Variants in SCG3 observed in about 807,000 individuals in gnomAD.
SCG3 encodes secretogranin-3.
SCG3 carries 38 observed loss-of-function variants against 56.2 expected under a neutral mutation model. That is an observed-to-expected ratio of 0.68 (90% CI 0.52 to 0.89). The LOEUF (loss-of-function observed/expected upper bound fraction) is 0.89. Among genes scored for constraint, SCG3 ranks in the 40% least tolerant of loss-of-function variants. The probability of loss-of-function intolerance (pLI) is 0.00; values close to 1 mark genes in which losing one functional copy is unlikely to be tolerated. For synonymous variants in SCG3, 176 were observed against 184.2 expected, an observed-to-expected ratio of 0.96 and a Z score of 0.36; for missense variants, 524 against 540.7, an observed-to-expected ratio of 0.97 and a Z score of 0.31.
chr15:51,718,928 A>T (rs1251115346), intron 11 of SCG3, among the ~76,000 whole-genome samples: 2 of 152,200 alleles, frequency 1.3e-5, no homozygotes, highest in Non-Finnish European at 2.9e-5. Flanking sequence ...CCCGGTTCTG[A>T]TCATAACTTT....
rs781513017 is a variant in SCG3, at chr15:51,692,250, G to C, written c.782G>C (p.Arg261Thr). The change falls in exon 7 of 12, where the codon AGG becomes ACG. Residue 261 changes from arginine (R) to threonine (T), a missense_variant. Physicochemically the swap from Arg to Thr is moderately conservative, Grantham distance 71. Transcript: ENST00000220478. ...TTAACCTTGACAAATGGCTTGGAAA[G>C]GAGAACTAAAACCTACAGTGAAGAC... is the stretch of plus-strand genomic sequence containing the variant. The part of the protein sequence containing the change: ...NTLTLTNGLE[R>T]RTKTYSEDNF... 5.0e-6 allele frequency: 8 copies of C among 1,614,042 alleles called. No individual in the cohort carries two copies. The South Asian group carries it at 7.7e-5, about 16-fold the overall frequency.
intron 10 of SCG3, among the ~76,000 whole-genome samples, chr15:51,709,887 A>ATT (rs67775073): frequency 0.016 from 1,346 of 84,806 alleles, 29 homozygotes; most frequent in East Asian, 0.053. Context: ...CGCCCGGCTA[A>ATT]TTTTTTTTTT....
At chr15:51,707,226 A>T (rs2055381936) in intron 10 of SCG3, among the ~76,000 whole-genome samples, 1 of 152,214 alleles carries the variant, frequency 6.6e-6, no homozygotes, top group East Asian at 1.9e-4. Context: ...AGGCTGGAAA[A>T]GGTGATCTCT....
chr15:51,701,789 T>A (rs1379026421), intron 10 of SCG3, among the ~76,000 whole-genome samples: 2 of 152,018 alleles, frequency 1.3e-5, no homozygotes, highest in Non-Finnish European at 2.9e-5. Context: ...GCCTATAGTT[T>A]TAGCTGCTCA....
intron 11 of SCG3, among the ~76,000 whole-genome samples, chr15:51,715,591 G>A (rs1003306122): frequency 1.3e-5 from 2 of 152,010 alleles, no homozygotes; most frequent in African/African-American, 4.8e-5. Context: ...GCGAATCACA[G>A]CCCTTCTCTC....
intron 10 of SCG3, among the ~76,000 whole-genome samples, chr15:51,704,764 C>CAT (rs56192434): frequency 0.1 from 6,897 of 66,880 alleles, 742 homozygotes; most frequent in South Asian, 0.19. Flanking sequence ...GTGAGTAATA[C>CAT]ATATATATAT....
intron 10 of SCG3, among the ~76,000 whole-genome samples, chr15:51,706,645 C>T (rs1346635248): frequency 2.0e-5 from 3 of 151,928 alleles, no homozygotes; most frequent in Non-Finnish European, 2.9e-5. Context: ...ATTAACCATG[C>T]GTAGCATGAA....
In SCG3 at chr15:51,692,295, A is replaced by G; in HGVS notation, c.827A>G (p.Tyr276Cys). The G allele has an allele frequency of 1.2e-6, 2 of 1,613,920 alleles. No homozygotes were observed. Among genetic ancestry groups the G allele is most frequent in the Non-Finnish European group, 1.7e-6 (2 of 1,179,934 alleles). Reference protein sequence around the residue: ...YSEDNFEELQYFPNFYALLKS... With the variant: ...YSEDNFEELQCFPNFYALLKS... ...GAAGACAACTTTGAGGAACTCCAAT[A>G]TTTCCCAAATTTCTATGCGCTACTG... Residue 276 changes from tyrosine to cysteine, a missense_variant, in exon 7 of 12, where the codon TAT becomes TGT. Physicochemically the swap from Tyr to Cys is radical, Grantham distance 194 (BLOSUM62 -2). Transcript: ENST00000220478.
chr15:51,715,878 G>T (rs1373819121), intron 11 of SCG3, among the ~76,000 whole-genome samples: 18 of 148,100 alleles, frequency 1.2e-4, no homozygotes, highest in African/African-American at 4.5e-4. Context: ...TTTTTTTTGA[G>T]ACAGAGTCTC....
In SCG3 at chr15:51,683,091, G is replaced by A. The variant is rs771908853; in HGVS notation, c.148G>A (p.Glu50Lys). The A allele has an allele frequency of 4.3e-6, 7 of 1,610,290 alleles. No individual in the cohort carries two copies. The African/African-American group carries it at 6.7e-5, about 15-fold the overall frequency. The change falls in exon 3 of 12, where the codon GAA becomes AAA. Residue 50 changes from glutamate (E) to lysine (K), a missense_variant. Physicochemically the swap from Glu to Lys is moderately conservative, Grantham distance 56. Transcript: ENST00000220478. ...RPLNEQIAEA[E>K]EDKIKKTYPP... ...GTTTGCTTCACAGATTGCTGAAGCAGAAGAAGACAAGATTAAAAAAACATA... is the reference window on the plus strand; with the variant it reads ...GTTTGCTTCACAGATTGCTGAAGCAAAAGAAGACAAGATTAAAAAAACATA...
Position 51,682,684 on chromosome 15 carries a change from ATAGT to A in SCG3, c.135+118_135+121del, listed in dbSNP as rs1477214230. The A allele has an allele frequency of 1.5e-5, 10 of 663,318 alleles. No homozygotes were observed. The Admixed American group carries it at 1.7e-4, about 11-fold the overall frequency. 41.1% of individuals were successfully genotyped at this position (663,318 alleles called of 1,614,324 possible). On this transcript the variant is annotated intron_variant, in intron 2 of 11. Coordinates refer to ENST00000220478, the MANE Select transcript of SCG3 (RefSeq NM_013243.4). ...TGAATTTACAAACATCAGGAACTTA[ATAGT>A]TAATTGACAGAAATTAGGACGGGAA...
chr15:51,703,497 GC>G (rs745438734), intron 10 of SCG3, among the ~76,000 whole-genome samples: 2 of 152,172 alleles, frequency 1.3e-5, no homozygotes, highest in Non-Finnish European at 2.9e-5. Flanking sequence ...AATTGGTGTA[GC>G]TTGGGCAGTG....
chr15:51,704,236 C>CATAT (rs1338699360), intron 10 of SCG3, among the ~76,000 whole-genome samples: 57 of 54,278 alleles, frequency 1.1e-3, no homozygotes, highest in African/African-American at 2.7e-3. Flanking sequence ...TGTATACATA[C>CATAT]ATACATACAT....
chr15:51,682,698 G>C, intron 2 of SCG3, 129 bp downstream of exon 2: 2 of 617,774 alleles, frequency 3.2e-6, no homozygotes, highest in Non-Finnish European at 5.5e-6. Flanking sequence ...TTAATTGACA[G>C]AAATTAGGAC....
At position 51,692,210 on chromosome 15, in the gene SCG3, A is replaced by G. The variant is rs1444739915; in HGVS notation, c.742A>G (p.Thr248Ala). ...DGLAKGENDE[T>A]VSNTLTLTNG... ...TCTTGCTAAGGGAGAAAACGATGAA[A>G]CAGTATCTAACACATTAACCTTGAC... The change falls in exon 7 of 12, where the codon ACA becomes GCA. Residue 248 changes from threonine (T) to alanine (A), a missense_variant. Physicochemically the swap from Thr to Ala is moderately conservative, Grantham distance 58. Transcript: ENST00000220478. The G allele has an allele frequency of 6.2e-7, 1 of 1,613,900 alleles. No homozygotes were observed. The highest frequency in any genetic ancestry group is 1.3e-5 in the African/African-American group (1 of 75,040).
At chr15:51,709,658 A>T (rs1326614987) in intron 10 of SCG3, among the ~76,000 whole-genome samples, 1 of 111,322 alleles carries the variant, frequency 9.0e-6, no homozygotes, top group Non-Finnish European at 1.8e-5. Flanking sequence ...AGATAAATCT[A>T]TGCCATATAT....
chr15:51,688,646 GAAT>G (rs1224178194), intron 5 of SCG3, among the ~76,000 whole-genome samples: 3 of 152,066 alleles, frequency 2.0e-5, no homozygotes, highest in African/African-American at 7.2e-5. Context: ...AAGAGCCAGA[GAAT>G]AGCTTATATC....
At chr15:51,688,510 T>C (rs2055244499) in intron 5 of SCG3, 108 bp downstream of exon 5, 1 of 956,910 alleles carries the variant, frequency 1.0e-6, no homozygotes, top group African/African-American at 1.6e-5. Flanking sequence ...GTGTCTTCCT[T>C]CTACTAGGAC....
chr15:51,687,314 C>G (rs2055235491), intron 4 of SCG3, among the ~76,000 whole-genome samples: 1 of 152,198 alleles, frequency 6.6e-6, no homozygotes, highest in Admixed American at 6.5e-5. Context: ...GGCTAAAATT[C>G]TGATCTTTCC....
Sources: allele counts gnomAD v4.1 joint callset (sites outside exome capture counted in the v4.1 genomes callset), GRCh38; gene constraint gnomAD v4.1.1; transcripts MANE v1.5; gene names NCBI Gene and HGNC (gene_info 2026-07-23, HGNC 2026-07-21).